The following VRK2 variants were observed in gnomAD, a reference collection of about 807,000 sequenced individuals.
The protein encoded by VRK2 is serine/threonine-protein kinase VRK2.
A neutral mutation model predicts 57.6 loss-of-function variants in VRK2; 60 were observed. The observed-to-expected ratio is 1.04, with a 90% confidence interval of 0.85 to 1.29. The LOEUF (loss-of-function observed/expected upper bound fraction) is 1.29. Ranked by LOEUF, VRK2 falls within the 50% of genes most tolerant of loss-of-function variation. VRK2 has a pLI of 0.00. For synonymous variants in VRK2, 231 were observed against 199.2 expected (o/e 1.16, Z -1.35); for missense variants, 705 against 588.1 (o/e 1.20, Z -2.06).
At chr2:58,116,156 G>A (rs1370737704) in intron 7 of VRK2, among the ~76,000 whole-genome samples, 1 of 152,164 alleles carries the variant, frequency 6.6e-6, no homozygotes, top group East Asian at 1.9e-4. Flanking sequence ...CATGCTGTGG[G>A]ATGGGATATT....
At chr2:58,154,756 T>A in intron 12 of VRK2, 1 of 717,828 alleles carries the variant, frequency 1.4e-6, no homozygotes, top group Non-Finnish European at 2.6e-6. Context: ...TTTTCCAGTT[T>A]AGGTAGAAGC....
intron 1 of VRK2, among the ~76,000 whole-genome samples, chr2:57,994,886 A>G (rs896129838): frequency 6.6e-6 from 1 of 152,210 alleles, no homozygotes; most frequent in African/African-American, 2.4e-5. Flanking sequence ...ACATTATCTT[A>G]CACTTTTGAA....
chr2:58,071,776 C>G (rs1439898871), intron 2 of VRK2, among the ~76,000 whole-genome samples: 1 of 151,984 alleles, frequency 6.6e-6, no homozygotes, highest in South Asian at 2.1e-4. Flanking sequence ...GATCTTTTGC[C>G]TTTATGTACA....
rs571627521 is a variant in VRK2, at chr2:58,157,363, A to G, written c.1183-1986A>G. On this transcript the variant is annotated intron_variant, in intron 12 of 12. Coordinates refer to ENST00000340157, the MANE Select transcript of VRK2 (RefSeq NM_006296.7). ...GTTGACATTTGGGAGCTGAGCTGTT[A>G]TTTGTTGTGGGGGTGCTGTCCTGTG... 3.3e-5 allele frequency among the ~76,000 whole-genome samples: 5 copies of G among 152,158 alleles called. No individual in the cohort carries two copies. In the East Asian group the frequency reaches 7.7e-4, roughly 23 times the overall value.
Position 57,999,256 on chromosome 2 carries a change from C to T in VRK2, c.-438-26409C>T, listed in dbSNP as rs144132389. Among the ~76,000 whole-genome samples the T allele has an allele frequency of 3.9e-5, 6 of 152,230 alleles. No homozygotes were observed. In the East Asian group the frequency reaches 9.7e-4, roughly 25 times the overall value. Reference sequence around the variant, plus strand: ...GTATTTCAGGCCATATAATGCACTTCTTTTGTGTGTTTTAAACAATCAAAT... The same window carrying T: ...GTATTTCAGGCCATATAATGCACTTTTTTTGTGTGTTTTAAACAATCAAAT... On this transcript the variant is annotated intron_variant, in intron 1 of 15. Transcript: ENST00000417641.
chr2:58,153,848 T>G (rs1274563942), intron 12 of VRK2, among the ~76,000 whole-genome samples: 1 of 152,124 alleles, frequency 6.6e-6, no homozygotes, highest in Non-Finnish European at 1.5e-5. Flanking sequence ...AGATTCCTTT[T>G]TAGCTATGAA....
chr2:58,020,097 G>GA (rs770223187), intron 1 of VRK2, among the ~76,000 whole-genome samples: 38 of 152,322 alleles, frequency 2.5e-4, no homozygotes, highest in Non-Finnish European at 4.3e-4. Context: ...CTAATTAAGT[G>GA]ACAATTAACA....
At chr2:58,045,474 T>C (rs1674671229), upstream of VRK2, among the ~76,000 whole-genome samples, 2 of 152,236 alleles carry the variant, frequency 1.3e-5, no homozygotes, top group Non-Finnish European at 2.9e-5. Flanking sequence ...AGGATTATTA[T>C]GCATCTGTTA....
At chr2:58,050,904 G>C (rs1281022388) in intron 2 of VRK2, among the ~76,000 whole-genome samples, 2 of 151,916 alleles carry the variant, frequency 1.3e-5, no homozygotes, top group Non-Finnish European at 2.9e-5. Flanking sequence ...GAGTGCAGTG[G>C]CTCAATCTCG....
At chr2:58,057,760 T>C (rs1380496566) in intron 2 of VRK2, among the ~76,000 whole-genome samples, 2 of 152,150 alleles carry the variant, frequency 1.3e-5, no homozygotes, top group African/African-American at 4.8e-5. Context: ...TCAGAAGCTT[T>C]TGTTATGGTT....
intron 12 of VRK2, among the ~76,000 whole-genome samples, chr2:58,158,057 G>T (rs766736066): frequency 3.9e-5 from 6 of 152,176 alleles, no homozygotes; most frequent in Admixed American, 6.5e-5. Context: ...GAGAGATTAA[G>T]TGTATAGATT....
intron 1 of VRK2, among the ~76,000 whole-genome samples, chr2:57,954,201 C>T (rs1572900987): frequency 6.6e-6 from 1 of 152,142 alleles, no homozygotes; most frequent in South Asian, 2.1e-4. Flanking sequence ...AACACTAGAC[C>T]AGAAATATTA....
At chr2:58,150,413 C>T (rs1682820630) in intron 12 of VRK2, among the ~76,000 whole-genome samples, 1 of 151,104 alleles carries the variant, frequency 6.6e-6, no homozygotes, top group African/African-American at 2.4e-5. Flanking sequence ...TCTTTATTTT[C>T]CCTTTATCAT....
intron 12 of VRK2, among the ~76,000 whole-genome samples, chr2:58,150,562 G>GTTTTTTTTTTTTTT (rs35146685): frequency 1.0e-5 from 1 of 95,586 alleles, no homozygotes; most frequent in African/African-American, 3.8e-5. Flanking sequence ...TTTTTTTTTA[G>GTTTTTTTTTTTTTT]TTTTTTTTTT....
chr2:58,150,005 T>C (rs1195912503), intron 12 of VRK2, among the ~76,000 whole-genome samples: 3 of 148,952 alleles, frequency 2.0e-5, no homozygotes, highest in Admixed American at 1.3e-4. Flanking sequence ...TCTTTTTTTT[T>C]TTTTTTTTTG....
At chr2:58,002,503 T>A (rs1211384442) in intron 1 of VRK2, among the ~76,000 whole-genome samples, 1 of 151,752 alleles carries the variant, frequency 6.6e-6, no homozygotes, top group Non-Finnish European at 1.5e-5. Context: ...TCAGTATGTG[T>A]GAAGATAGGT....
At chr2:57,966,695 T>TAAC (rs10680671) in intron 1 of VRK2, among the ~76,000 whole-genome samples, 18,824 of 152,050 alleles carry the variant, frequency 0.12, 1,240 homozygotes, top group East Asian at 0.18. Flanking sequence ...TCTGGAAACT[T>TAAC]AAAGTAAAAA....
intron 2 of VRK2, among the ~76,000 whole-genome samples, chr2:58,054,131 G>C (rs995480482): frequency 6.6e-5 from 10 of 151,966 alleles, no homozygotes; most frequent in Non-Finnish European, 1.0e-4. Flanking sequence ...AAGAAATCTG[G>C]GTGTTTAAGA....
chr2:57,972,142 G>T (rs1319583301), intron 1 of VRK2, among the ~76,000 whole-genome samples: 1 of 151,650 alleles, frequency 6.6e-6, no homozygotes, highest in African/African-American at 2.4e-5. Flanking sequence ...CTGGGAAATG[G>T]TACTTAGAGG....
Sources: gnomAD v4.1 joint callset for allele counts (sites outside exome capture counted in the v4.1 genomes callset) on GRCh38, gnomAD v4.1.1 for gene constraint, MANE v1.5 for transcripts, NCBI Gene and HGNC (gene_info 2026-07-23, HGNC 2026-07-21) for gene names.